ANK3: variants seen among roughly 807,000 people sequenced by gnomAD.
The protein encoded by ANK3 is ankyrin 3.
In ANK3, 57 loss-of-function variants were observed where a neutral mutation model predicts 370.9. That is an observed-to-expected ratio of 0.15 (90% CI 0.12 to 0.19). ANK3 has a LOEUF of 0.19. Among genes scored for constraint, ANK3 ranks in the 10% least tolerant of loss-of-function variants. The pLI, the probability that ANK3 is intolerant of heterozygous loss-of-function variation, is 1.00. For synonymous variants in ANK3, 1,929 were observed against 1,946.3 expected (o/e 0.99, Z 0.23); for missense variants, 4,439 against 5,302.1 (o/e 0.84, Z 5.06).
chr10:60,172,914 T>C lies in ANK3; in HGVS notation c.2368A>G (p.Asn790Asp). Residue 790 changes from asparagine (N) to aspartate (D), a missense_variant, in exon 20 of 44, where the codon AAT (asparagine) becomes GAT (aspartate). Around this residue, in one of 13 missense-constraint regions of ANK3, gnomAD observed 702 missense variants for 941.5 expected, o/e 0.75. Transcript: ENST00000280772. ...TGAGCGCTTACCACAGTGAGTTCAT[T>C]GGGGGAGGCGTTGTTCTGAAGTAAG... Reference protein sequence around the residue: ...NVLLQNNASPNELTVNGNTAL... With the variant: ...NVLLQNNASPDELTVNGNTAL... 1 of 1,613,616 alleles carries C rather than the reference T, an allele frequency of 6.2e-7. No individual in the cohort carries two copies.
intron 3 of ANK3, 85 bp from the exon 4 acceptor site, chr10:60,278,957 T>G: frequency 1.3e-6 from 2 of 1,566,320 alleles, no homozygotes; most frequent in East Asian, 2.2e-5. Context: ...TTGACAAATA[T>G]CTTATGAGAT....
intron 23 of ANK3, among the ~76,000 whole-genome samples, chr10:60,155,663 G>T (rs1490311220): frequency 6.6e-6 from 1 of 152,170 alleles, no homozygotes; most frequent in African/African-American, 2.4e-5. Context: ...TGAGTCAATG[G>T]ACTGGAAAGG....
chr10:60,399,085 A>G (rs945789732), intron 2 of ANK3, among the ~76,000 whole-genome samples: 6 of 152,208 alleles, frequency 3.9e-5, no homozygotes, highest in Non-Finnish European at 5.9e-5. Flanking sequence ...GTAATACTGT[A>G]CTAAACCCAG....
In ANK3 at chr10:60,073,176, C is replaced by G. The variant is rs2083086264; in HGVS notation, c.7705G>C (p.Glu2569Gln). 1.2e-6 allele frequency: 2 copies of G among 1,614,166 alleles called. No individual in the cohort carries two copies. The highest frequency in any genetic ancestry group is 1.7e-6 in the Non-Finnish European group (2 of 1,180,012). Residue 2569 changes from glutamate (E) to glutamine (Q), a missense_variant, in exon 37 of 44, where the codon GAG (glutamate) becomes CAG (glutamine). Around this residue, in one of 13 missense-constraint regions of ANK3, gnomAD observed 1,601 missense variants for 1,731.7 expected, o/e 0.92. Transcript: ENST00000280772. ...ACCCTATCTTCATATATCAACTTCTCTCTACCTCTGTCTAATCTGTCCTCA... is the reference window on the plus strand; with the variant it reads ...ACCCTATCTTCATATATCAACTTCTGTCTACCTCTGTCTAATCTGTCCTCA... ...FTEDRLDRGR[E>Q]KLIYEDRVDR... is the part of the protein sequence containing the mutation.
intron 2 of ANK3, among the ~76,000 whole-genome samples, chr10:60,439,805 A>T (rs920455989): frequency 2.0e-5 from 3 of 152,208 alleles, no homozygotes; most frequent in African/African-American, 7.2e-5. Flanking sequence ...GCTTCCAATG[A>T]CATCTGAAGT....
At position 60,704,696 on chromosome 10, in the gene ANK3, A is replaced by C. The variant is rs1009176729; in HGVS notation, c.57+28567T>G. On this transcript the variant is annotated intron_variant, in intron 1 of 43. Transcript: ENST00000373827. ...GTGAATGAAAGGAGAATCCAGATGCATCAGACTGTTAATGTTCTACTCAGA... is the reference window on the plus strand; with the variant it reads ...GTGAATGAAAGGAGAATCCAGATGCCTCAGACTGTTAATGTTCTACTCAGA... 9.9e-5 allele frequency among the ~76,000 whole-genome samples: 15 copies of C among 152,222 alleles called. No homozygotes were observed. In the East Asian group the frequency reaches 1.3e-3, roughly 14 times the overall value.
At chr10:60,682,397 A>T (rs1320293822) in intron 1 of ANK3, among the ~76,000 whole-genome samples, 5 of 148,340 alleles carry the variant, frequency 3.4e-5, no homozygotes, top group African/African-American at 2.5e-5. Flanking sequence ...TCCGAGCCTC[A>T]TTTTTTTTTT....
At chr10:60,668,052 T>C (rs1176327638) in intron 1 of ANK3, among the ~76,000 whole-genome samples, 3 of 151,568 alleles carry the variant, frequency 2.0e-5, no homozygotes, top group Non-Finnish European at 4.4e-5. Flanking sequence ...TGATGCTGGC[T>C]TGCAGAATCA....
intron 9 of ANK3, among the ~76,000 whole-genome samples, chr10:60,213,190 A>G (rs1465920376): frequency 4.6e-5 from 7 of 152,192 alleles, no homozygotes; most frequent in Admixed American, 4.6e-4. Context: ...TTCCTGAAAC[A>G]CAACAAAAAC....
At chr10:60,617,557 A>C (rs1403492935) in intron 1 of ANK3, among the ~76,000 whole-genome samples, 2 of 152,146 alleles carry the variant, frequency 1.3e-5, no homozygotes, top group Non-Finnish European at 2.9e-5. Context: ...TAAACCAGAT[A>C]ATGTACAGAA....
chr10:60,544,763 C>T (rs1457223233), intron 2 of ANK3, among the ~76,000 whole-genome samples: 2 of 152,082 alleles, frequency 1.3e-5, no homozygotes, highest in African/African-American at 2.4e-5. Context: ...ATCTATTGTA[C>T]TCCTTAACCT....
At chr10:60,132,635 T>G (rs2094143256) in intron 25 of ANK3, among the ~76,000 whole-genome samples, 1 of 151,920 alleles carries the variant, frequency 6.6e-6, no homozygotes, top group Non-Finnish European at 1.5e-5. Flanking sequence ...TTTTTTTTTT[T>G]TGACAGAGTC....
intron 1 of ANK3, among the ~76,000 whole-genome samples, chr10:60,672,067 C>T (rs547814974): frequency 4.1e-4 from 63 of 152,328 alleles, no homozygotes; most frequent in African/African-American, 1.5e-3. Context: ...TTCTAAGCCG[C>T]TAAGTGTTGG....
chr10:60,665,379 G>C (rs2133376019), intron 1 of ANK3, among the ~76,000 whole-genome samples: 1 of 152,324 alleles, frequency 6.6e-6, no homozygotes, highest in Non-Finnish European at 1.5e-5. Context: ...CATTGTGCCT[G>C]ATGAGCACTA....
At chr10:60,345,017 C>T (rs2055112330) in intron 1 of ANK3, among the ~76,000 whole-genome samples, 1 of 152,094 alleles carries the variant, frequency 6.6e-6, no homozygotes, top group Non-Finnish European at 1.5e-5. Context: ...CATGGGTTTG[C>T]TAGTAAATGT....
chr10:60,317,299 G>A (rs1748618991), intron 1 of ANK3, among the ~76,000 whole-genome samples: 4 of 151,984 alleles, frequency 2.6e-5, no homozygotes, highest in South Asian at 2.1e-4. Flanking sequence ...TAATTTTTAA[G>A]TTTTTAGTAG....
At position 60,337,063 on chromosome 10, in the gene ANK3, T is replaced by C. The variant is rs113702319; in HGVS notation, c.114+52362A>G. 3.8e-3 allele frequency among the ~76,000 whole-genome samples: 583 copies of C among 152,104 alleles called. 4 individuals carry two copies. Among genetic ancestry groups the C allele is most frequent in the African/African-American group, 0.013 (554 of 41,512 alleles). ...CAAACAGTGGAAGATAAAGAATTTC[T>C]GTTGCCAAGACCAAATTATGCAGTG... is the stretch of plus-strand genomic sequence containing the variant. On this transcript the variant is annotated intron_variant, in intron 1 of 43. Coordinates refer to ENST00000280772, the MANE Select transcript of ANK3 (RefSeq NM_020987.5).
In ANK3 at chr10:60,070,398, C is replaced by T. The variant is rs1369569420; in HGVS notation, c.10483G>A (p.Asp3495Asn). 6.2e-7 allele frequency: 1 copy of T among 1,614,104 alleles called. No homozygotes were observed. Residue 3495 changes from aspartate to asparagine, a missense_variant, in exon 37 of 44, where the codon GAT (aspartate) becomes AAT (asparagine). Coordinates refer to ENST00000280772, the MANE Select transcript of ANK3 (RefSeq NM_020987.5). This position sits in a 1 kb window ranked among gnomAD's most constrained non-coding sequence, Gnocchi z 5.7. ...SSSEKTPDKT[D>N]QKSGAQFFTL... ...AAGAACTGGGCCCCTGACTTCTGATCAGTCTTATCAGGAGTCTTTTCAGAT... is the reference window on the plus strand; with the variant it reads ...AAGAACTGGGCCCCTGACTTCTGATTAGTCTTATCAGGAGTCTTTTCAGAT...
chr10:60,032,356 GCCA>G (rs895290102), intron 43 of ANK3, among the ~76,000 whole-genome samples: 1 of 151,746 alleles, frequency 6.6e-6, no homozygotes, highest in African/African-American at 2.4e-5. Context: ...ATAGGTGTGT[GCCA>G]CCAAGTCTGG....
Sources: gnomAD v4.1 joint callset for allele counts (sites outside exome capture counted in the v4.1 genomes callset) on GRCh38, gnomAD v4.1.1 for gene constraint, gnomAD v4.1.1 regional missense constraint, Gnocchi (gnomAD v3.1) non-coding constraint, MANE v1.5 for transcripts, NCBI Gene and HGNC (gene_info 2026-07-23, HGNC 2026-07-21) for gene names.